Variants in ACCSL observed in about 807,000 individuals in gnomAD.
The protein encoded by ACCSL is 1-aminocyclopropane-1-carboxylate synthase homolog (inactive) like.
ACCSL carries 55 observed loss-of-function variants against 61.7 expected under a neutral mutation model. The observed-to-expected ratio is 0.89, with a 90% confidence interval of 0.72 to 1.12. The LOEUF (loss-of-function observed/expected upper bound fraction) is 1.12. ACCSL is among the 50% of genes most tolerant of loss of function. The probability of loss-of-function intolerance (pLI) is 0.00; values close to 1 mark genes in which losing one functional copy is unlikely to be tolerated. For missense variants in ACCSL, 632 were observed against 698.0 expected (o/e 0.91, Z 1.07); for synonymous variants, 258 against 264.3 (o/e 0.98, Z 0.23).
chr11:44,047,811 G>T (rs1447874948), upstream of ACCSL, among the ~76,000 whole-genome samples: 1 of 152,172 alleles, frequency 6.6e-6, no homozygotes, highest in African/African-American at 2.4e-5. Flanking sequence ...CAGTGTCTAG[G>T]CTTGAGGCCA....
the ACCSL span, among the ~76,000 whole-genome samples, chr11:43,982,245 T>C: frequency 1.9e-4 from 25 of 134,548 alleles, no homozygotes; most frequent in African/African-American, 6.5e-4. Flanking sequence ...TTTTTTTTTT[T>C]TTTTGAGACT....
At chr11:44,012,750 C>T in the ACCSL span, among the ~76,000 whole-genome samples, 2 of 152,120 alleles carry the variant, frequency 1.3e-5, no homozygotes, top group Non-Finnish European at 2.9e-5. Context: ...GTTTTTTATG[C>T]TAGCAAAAAA....
chr11:43,954,541 G>C, the ACCSL span, among the ~76,000 whole-genome samples: 2 of 151,926 alleles, frequency 1.3e-5, no homozygotes, highest in African/African-American at 2.4e-5. Flanking sequence ...ATGCAGATGG[G>C]TTCTCTACCT....
chr11:43,984,486 A>G, the ACCSL span, among the ~76,000 whole-genome samples: 1 of 152,174 alleles, frequency 6.6e-6, no homozygotes, highest in Non-Finnish European at 1.5e-5. Flanking sequence ...CAAACAGAAG[A>G]TGGGAGTGCA....
At chr11:44,059,110 C>T (rs772558018) in intron 13 of ACCSL, among the ~76,000 whole-genome samples, 13 of 152,130 alleles carry the variant, frequency 8.5e-5, no homozygotes, top group East Asian at 1.9e-4. Context: ...CGCATGGTGG[C>T]GCACGCCTGT....
chr11:43,957,988 C>A, the ACCSL span, among the ~76,000 whole-genome samples: 3 of 152,216 alleles, frequency 2.0e-5, no homozygotes, highest in Non-Finnish European at 4.4e-5. Flanking sequence ...ACCTAACTGA[C>A]CCATCTTGCT....
At position 44,053,388 on chromosome 11, in the gene ACCSL, T is replaced by C. The variant is rs762214359; in HGVS notation, c.949-18T>C. ...CTAAGGACTTGTATTCACTCAGTTA[T>C]ATTTGGGTTTTTCTTAGGGGAAAAA... On this transcript the variant is annotated intron_variant, in intron 7 of 13. Coordinates refer to ENST00000378832, the MANE Select transcript of ACCSL (RefSeq NM_001031854.2). 1.9e-6 allele frequency: 3 copies of C among 1,608,690 alleles called. No individual in the cohort carries two copies. The Admixed American group carries it at 5.0e-5, about 27-fold the overall frequency.
the ACCSL span, among the ~76,000 whole-genome samples, chr11:43,985,043 G>A: frequency 2.0e-5 from 3 of 152,172 alleles, no homozygotes; most frequent in Non-Finnish European, 2.9e-5. Flanking sequence ...AGGGAAACTC[G>A]GAGAACTGCA....
the ACCSL span, among the ~76,000 whole-genome samples, chr11:43,959,173 G>T: frequency 1.3e-5 from 2 of 152,230 alleles, no homozygotes; most frequent in Middle Eastern, 3.4e-3. Context: ...CACAGCACGC[G>T]CCTAGGTTCT....
At chr11:43,927,521 A>G in the ACCSL span, among the ~76,000 whole-genome samples, 1 of 152,196 alleles carries the variant, frequency 6.6e-6, no homozygotes, top group Non-Finnish European at 1.5e-5. Context: ...ACTAGGCACT[A>G]TTTTTATCTC....
chr11:43,968,781 A>T, the ACCSL span, among the ~76,000 whole-genome samples: 4 of 152,176 alleles, frequency 2.6e-5, no homozygotes, highest in Non-Finnish European at 5.9e-5. Context: ...GTTTTTCCCT[A>T]ACCTGACAAT....
the ACCSL span, among the ~76,000 whole-genome samples, chr11:44,019,283 G>A: frequency 6.6e-6 from 1 of 152,160 alleles, no homozygotes; most frequent in Non-Finnish European, 1.5e-5. Context: ...AAATTCTGTT[G>A]CGTATATACC....
chr11:43,951,522 C>A, the ACCSL span, among the ~76,000 whole-genome samples: 1 of 152,104 alleles, frequency 6.6e-6, no homozygotes, highest in Non-Finnish European at 1.5e-5. Context: ...TGGAACTGTC[C>A]GGAAGCACAA....
chr11:43,992,684 C>T, the ACCSL span, among the ~76,000 whole-genome samples: 1 of 152,236 alleles, frequency 6.6e-6, no homozygotes, highest in Non-Finnish European at 1.5e-5. Flanking sequence ...AAGAGAAAGG[C>T]ATTGGCAAGT....
At chr11:44,015,004 G>T in the ACCSL span, among the ~76,000 whole-genome samples, 2 of 152,324 alleles carry the variant, frequency 1.3e-5, no homozygotes, top group Admixed American at 1.3e-4. Context: ...CACATGCAGG[G>T]GCACCCAGGA....
chr11:44,025,727 G>T, the ACCSL span, among the ~76,000 whole-genome samples: 91 of 151,032 alleles, frequency 6.0e-4, no homozygotes, highest in African/African-American at 2.0e-3. Context: ...TATAGGATTG[G>T]TCTGCTAGTG....
the ACCSL span, among the ~76,000 whole-genome samples, chr11:43,985,042 C>T: frequency 3.9e-5 from 6 of 152,246 alleles, no homozygotes; most frequent in East Asian, 9.7e-4. Context: ...GAGGGAAACT[C>T]GGAGAACTGC....
chr11:44,025,918 T>C, the ACCSL span, among the ~76,000 whole-genome samples: 1 of 152,252 alleles, frequency 6.6e-6, no homozygotes, highest in African/African-American at 2.4e-5. Context: ...CTGCTGATCT[T>C]ATTAAGAGGC....
At chr11:44,055,726 T>A (rs1952667150) in intron 9 of ACCSL, among the ~76,000 whole-genome samples, 1 of 152,264 alleles carries the variant, frequency 6.6e-6, no homozygotes, top group Admixed American at 6.5e-5. Context: ...GGGCACGTTC[T>A]AGAAATTATG....
Sources: gnomAD v4.1 joint callset for allele counts (sites outside exome capture counted in the v4.1 genomes callset) on GRCh38, gnomAD v4.1.1 for gene constraint, MANE v1.5 for transcripts, NCBI Gene and HGNC (gene_info 2026-07-23, HGNC 2026-07-21) for gene names.